The following PDE10A variants were observed in gnomAD, a reference collection of about 807,000 sequenced individuals.
PDE10A encodes the protein cAMP and cAMP-inhibited cGMP 3',5'-cyclic phosphodiesterase 10A.
A neutral mutation model predicts 97.7 loss-of-function variants in PDE10A; 39 were observed. The ratio of observed to expected loss-of-function variants is 0.40; its 90% confidence interval spans 0.31 to 0.52. PDE10A has a LOEUF of 0.52. Among genes scored for constraint, PDE10A ranks in the 20% least tolerant of loss-of-function variants. The pLI is 0.56. For synonymous variants in PDE10A, 371 were observed against 376.8 expected, an observed-to-expected ratio of 0.98 and a Z score of 0.18; for missense variants, 731 against 1,047.8, an observed-to-expected ratio of 0.70 and a Z score of 4.17.
chr6:165,870,264 A>G (rs1206401732), intron 1 of PDE10A, among the ~76,000 whole-genome samples: 2 of 152,196 alleles, frequency 1.3e-5, no homozygotes, highest in African/African-American at 4.8e-5. Flanking sequence ...AAGTAAAACA[A>G]GCAATTCCAT....
intron 1 of PDE10A, among the ~76,000 whole-genome samples, chr6:165,658,327 T>G (rs3008058): frequency 0.048 from 7,264 of 152,326 alleles, 192 homozygotes; most frequent in Middle Eastern, 0.088. Flanking sequence ...TTTTGAATAT[T>G]TGGCAATCAA....
At chr6:165,488,152 C>T (rs1191743588) in intron 2 of PDE10A, among the ~76,000 whole-genome samples, 1 of 151,498 alleles carries the variant, frequency 6.6e-6, no homozygotes, top group African/African-American at 2.4e-5. Flanking sequence ...GTGCCAGGAA[C>T]TTATCTCTGA....
At chr6:165,491,843 A>G (rs529250555) in intron 2 of PDE10A, among the ~76,000 whole-genome samples, 169 of 152,256 alleles carry the variant, frequency 1.1e-3, no homozygotes, top group Non-Finnish European at 2.2e-3. Flanking sequence ...CAGCAGAAGA[A>G]AAGAAATAAG....
intron 3 of PDE10A, among the ~76,000 whole-genome samples, chr6:165,476,426 G>A (rs1043355504): frequency 2.6e-5 from 4 of 152,034 alleles, no homozygotes; most frequent in African/African-American, 9.7e-5. Flanking sequence ...AATTTAAGCA[G>A]AACAAGAAAC....
chr6:165,519,748 A>T (rs900646874), intron 2 of PDE10A, among the ~76,000 whole-genome samples: 1 of 152,186 alleles, frequency 6.6e-6, no homozygotes, highest in African/African-American at 2.4e-5. Context: ...GCCTATGATA[A>T]CACGTGTGAC....
intron 1 of PDE10A, among the ~76,000 whole-genome samples, chr6:165,946,422 A>T (rs1012692928): frequency 1.3e-5 from 2 of 151,896 alleles, no homozygotes; most frequent in Admixed American, 6.6e-5. Flanking sequence ...GTGAACCAGG[A>T]GGCGGAGCTT....
chr6:165,567,111 T>A (rs1428128099), intron 1 of PDE10A, among the ~76,000 whole-genome samples: 1 of 152,118 alleles, frequency 6.6e-6, no homozygotes, highest in African/African-American at 2.4e-5. Context: ...TATCATACAA[T>A]AATGAGAACA....
At chr6:165,556,374 CA>C (rs1416405185) in intron 1 of PDE10A, among the ~76,000 whole-genome samples, 4 of 152,156 alleles carry the variant, frequency 2.6e-5, no homozygotes, top group Non-Finnish European at 1.5e-5. Flanking sequence ...AGGGTTTGGT[CA>C]AAGTAATACA....
chr6:165,788,511 T>G, intron 1 of PDE10A, among the ~76,000 whole-genome samples: 1 of 66,770 alleles, frequency 1.5e-5, no homozygotes, highest in South Asian at 5.7e-4. Context: ...AGAAGGAAAC[T>G]CTGTCTCAAA....
intron 13 of PDE10A, among the ~76,000 whole-genome samples, chr6:165,411,745 C>G (rs1341571137): frequency 2.6e-5 from 4 of 152,088 alleles, no homozygotes; most frequent in Non-Finnish European, 4.4e-5. Flanking sequence ...GAAACATACT[C>G]TCATATAGAT....
chr6:165,506,808 G>A (rs1781219850), intron 2 of PDE10A, among the ~76,000 whole-genome samples: 1 of 152,092 alleles, frequency 6.6e-6, no homozygotes, highest in African/African-American at 2.4e-5. Flanking sequence ...ATAACACATT[G>A]GTTTCTCTGG....
chr6:165,794,429 C>T (rs1446372668), intron 1 of PDE10A, among the ~76,000 whole-genome samples: 2 of 151,960 alleles, frequency 1.3e-5, no homozygotes, highest in Non-Finnish European at 2.9e-5. Flanking sequence ...CACTCACTCA[C>T]ACACTCACTT....
intron 1 of PDE10A, among the ~76,000 whole-genome samples, chr6:165,589,381 GATTT>G (rs1268565386): frequency 6.6e-6 from 1 of 152,064 alleles, no homozygotes; most frequent in Non-Finnish European, 1.5e-5. Context: ...TTCTCTTAAA[GATTT>G]ATTACTTTAT....
chr6:165,787,223 A>G (rs1213845433), intron 1 of PDE10A, among the ~76,000 whole-genome samples: 4 of 152,192 alleles, frequency 2.6e-5, no homozygotes, highest in African/African-American at 7.2e-5. Flanking sequence ...AAAAAAACCC[A>G]TATAAAAACA....
At chr6:165,398,591 T>C (rs887098566) in intron 13 of PDE10A, among the ~76,000 whole-genome samples, 1 of 152,138 alleles carries the variant, frequency 6.6e-6, no homozygotes, top group African/African-American at 2.4e-5. Context: ...GAAATTCAAA[T>C]GCATTTCCTT....
At chr6:165,914,049 T>C (rs916096992) in intron 1 of PDE10A, among the ~76,000 whole-genome samples, 3 of 152,274 alleles carry the variant, frequency 2.0e-5, no homozygotes, top group Non-Finnish European at 4.4e-5. Context: ...TGTCTCCAAA[T>C]AGTTTACATT....
At chr6:165,938,498 G>A (rs994223278) in intron 1 of PDE10A, among the ~76,000 whole-genome samples, 4 of 152,196 alleles carry the variant, frequency 2.6e-5, no homozygotes, top group African/African-American at 9.7e-5. Flanking sequence ...AATCTTGGAT[G>A]AGTTTCAACT....
chr6:165,886,283 G>A (rs1781630374), intron 1 of PDE10A, among the ~76,000 whole-genome samples: 2 of 150,612 alleles, frequency 1.3e-5, no homozygotes, highest in South Asian at 2.1e-4. Context: ...CCTGGGCCCT[G>A]GAGTCCTGCA....
intron 1 of PDE10A, among the ~76,000 whole-genome samples, chr6:165,621,921 T>C (rs567906050): frequency 2.8e-4 from 42 of 152,312 alleles, no homozygotes; most frequent in African/African-American, 9.6e-4. Flanking sequence ...GCCCAGTTGT[T>C]TGGCCGAACA....
Sources: gnomAD v4.1 joint callset for allele counts (sites outside exome capture counted in the v4.1 genomes callset) on GRCh38, gnomAD v4.1.1 for gene constraint, MANE v1.5 for transcripts, NCBI Gene and HGNC (gene_info 2026-07-23, HGNC 2026-07-21) for gene names.